The following PDZRN3 variants were observed in gnomAD, a reference collection of about 807,000 sequenced individuals.
PDZRN3 encodes PDZ domain containing ring finger 3, also known as E3 ubiquitin-protein ligase PDZRN3.
In PDZRN3, 38 loss-of-function variants were observed where a neutral mutation model predicts 85.7. That is an observed-to-expected ratio of 0.44 (90% CI 0.34 to 0.58). The LOEUF is 0.58. Among genes scored for constraint, PDZRN3 ranks in the 20% least tolerant of loss-of-function variants. The pLI is 0.01. For missense variants in PDZRN3, 1,629 were observed against 1,506.4 expected, an observed-to-expected ratio of 1.08 and a Z score of -1.35; for synonymous variants, 759 against 638.0, an observed-to-expected ratio of 1.19 and a Z score of -2.86.
At chr3:73,403,941 C>G (rs112736618) in intron 4 of PDZRN3, among the ~76,000 whole-genome samples, 1 of 152,048 alleles carries the variant, frequency 6.6e-6, no homozygotes, top group Non-Finnish European at 1.5e-5. Flanking sequence ...TGAATAAGTC[C>G]GCTCCAGGGT....
chr3:73,563,257 G>A (rs561058355), intron 3 of PDZRN3, among the ~76,000 whole-genome samples: 4 of 150,706 alleles, frequency 2.7e-5, no homozygotes, highest in South Asian at 4.2e-4. Flanking sequence ...GGATGGTCTC[G>A]ATCTCCTGAC....
At chr3:73,595,894 A>G (rs1702424311) in intron 3 of PDZRN3, among the ~76,000 whole-genome samples, 1 of 152,160 alleles carries the variant, frequency 6.6e-6, no homozygotes, top group South Asian at 2.1e-4. Context: ...TTACATATTT[A>G]CATTTTCTAG....
chr3:73,493,310 C>T (rs1157459949), intron 3 of PDZRN3, among the ~76,000 whole-genome samples: 1 of 152,108 alleles, frequency 6.6e-6, no homozygotes, highest in African/African-American at 2.4e-5. Context: ...AATTCCCTAG[C>T]ACCTGACTGA....
chr3:73,449,337 C>A (rs1193826949), intron 3 of PDZRN3, among the ~76,000 whole-genome samples: 2 of 151,706 alleles, frequency 1.3e-5, no homozygotes, highest in African/African-American at 2.4e-5. Flanking sequence ...TGATTTAAGT[C>A]CCAACGGCTG....
intron 3 of PDZRN3, among the ~76,000 whole-genome samples, chr3:73,512,860 A>G (rs1704192600): frequency 1.3e-5 from 2 of 152,258 alleles, no homozygotes; most frequent in Admixed American, 1.3e-4. Flanking sequence ...AGCTTAGTTT[A>G]TAGGTTGAAA....
At chr3:73,408,830 G>A (rs1032797568) in intron 3 of PDZRN3, among the ~76,000 whole-genome samples, 14 of 151,780 alleles carry the variant, frequency 9.2e-5, no homozygotes, top group African/African-American at 3.4e-4. Flanking sequence ...TGATGACTCC[G>A]GTGCACGCCG....
chr3:73,454,639 G>A (rs145300101), intron 3 of PDZRN3, among the ~76,000 whole-genome samples: 118 of 152,280 alleles, frequency 7.7e-4, no homozygotes, highest in African/African-American at 2.7e-3. Flanking sequence ...TAAATGCTAA[G>A]AGTGACAGGA....
intron 5 of PDZRN3, among the ~76,000 whole-genome samples, chr3:73,393,518 TTGG>T (rs1701571188): frequency 6.6e-6 from 1 of 152,100 alleles, no homozygotes; most frequent in South Asian, 2.1e-4. Context: ...AGTTCAGGTG[TTGG>T]TGAACGCGTC....
chr3:73,608,967 AC>A, intron 1 of PDZRN3, among the ~76,000 whole-genome samples: 1 of 152,288 alleles, frequency 6.6e-6, no homozygotes, highest in East Asian at 1.9e-4. Flanking sequence ...TATGAATGAC[AC>A]CTTGGTCTGC....
rs1467281903 is a variant in PDZRN3, at chr3:73,624,727, G to A, written c.99C>T (p.Cys33=). Residue 33 remains cysteine, a synonymous_variant, in exon 1 of 10, where the codon TGC becomes TGT. Coordinates refer to ENST00000263666, the MANE Select transcript of PDZRN3 (RefSeq NM_015009.3). Reference sequence around the variant, plus strand: ...CGCAGCCGGCGCAGAAGACGTGGCCGCACGGCGTGGTCAGCGGGTCCTCCA... The same window carrying A: ...CGCAGCCGGCGCAGAAGACGTGGCCACACGGCGTGGTCAGCGGGTCCTCCA... The part of the protein sequence containing the change: ...KVLEDPLTTP[C]GHVFCAGCVL... 2.0e-6 allele frequency: 3 copies of A among 1,527,730 alleles called. No homozygotes were observed. The highest frequency in any genetic ancestry group is 1.2e-5 in the South Asian group (1 of 82,418). The allele number at this position is 1,527,730 out of a possible 1,614,324, so 94.6% of individuals were successfully genotyped here.
At chr3:73,559,861 T>A (rs1701779382) in intron 3 of PDZRN3, among the ~76,000 whole-genome samples, 1 of 152,206 alleles carries the variant, frequency 6.6e-6, no homozygotes, top group South Asian at 2.1e-4. Context: ...CTAGAAACTA[T>A]CTCACCACAA....
At chr3:73,416,459 T>C (rs966222676) in intron 3 of PDZRN3, among the ~76,000 whole-genome samples, 8 of 151,948 alleles carry the variant, frequency 5.3e-5, no homozygotes, top group African/African-American at 1.9e-4. Flanking sequence ...CTTTCTGTAA[T>C]GGGCTCTGGA....
intron 3 of PDZRN3, among the ~76,000 whole-genome samples, chr3:73,497,857 C>T (rs1703897454): frequency 2.6e-5 from 4 of 151,494 alleles, no homozygotes; most frequent in Admixed American, 6.6e-5. Context: ...AACAGGGGCA[C>T]GACTCGAACC....
rs571274899 is a variant in PDZRN3, at chr3:73,436,444, C to T, written c.919-32049G>A. 3.7e-4 allele frequency among the ~76,000 whole-genome samples: 56 copies of T among 152,236 alleles called. 1 individual carries two copies. The South Asian group carries it at 9.3e-3, about 25-fold the overall frequency. On this transcript the variant is annotated intron_variant, in intron 3 of 9. Coordinates refer to ENST00000263666, the MANE Select transcript of PDZRN3 (RefSeq NM_015009.3). ...AGGAAAACAAAGTGTGCTTGGGTGTCCCCACAAAAAAAGGCTTGCAATCAC... is the reference window on the plus strand; with the variant it reads ...AGGAAAACAAAGTGTGCTTGGGTGTTCCCACAAAAAAAGGCTTGCAATCAC...
intron 6 of PDZRN3, 35 bp downstream of exon 6, chr3:73,390,983 T>A: frequency 7.2e-7 from 1 of 1,395,636 alleles, no homozygotes. Context: ...TTGGTCTTGA[T>A]ACGATAGTTA....
chr3:73,559,775 C>A (rs899746219), intron 3 of PDZRN3, among the ~76,000 whole-genome samples: 1 of 152,182 alleles, frequency 6.6e-6, no homozygotes, highest in African/African-American at 2.4e-5. Context: ...GTCTGAATGA[C>A]TGAAGTTTGG....
intron 3 of PDZRN3, among the ~76,000 whole-genome samples, chr3:73,601,889 G>A (rs1702520422): frequency 9.0e-6 from 1 of 111,022 alleles, no homozygotes. Flanking sequence ...AGGCAAAGAC[G>A]ACAAACTAAC....
chr3:73,506,361 AAG>A (rs1704070472), intron 3 of PDZRN3, among the ~76,000 whole-genome samples: 1 of 152,240 alleles, frequency 6.6e-6, no homozygotes. Context: ...GTGTACAACA[AAG>A]ATGAAAAGGT....
At chr3:73,450,931 A>T (rs1487365271) in intron 3 of PDZRN3, among the ~76,000 whole-genome samples, 3 of 142,894 alleles carry the variant, frequency 2.1e-5, no homozygotes, top group African/African-American at 5.2e-5. Flanking sequence ...CATGCTCTTT[A>T]AAAAAAAAAA....
Sources: allele counts gnomAD v4.1 joint callset (sites outside exome capture counted in the v4.1 genomes callset), GRCh38; gene constraint gnomAD v4.1.1; transcripts MANE v1.5; gene names NCBI Gene and HGNC (gene_info 2026-07-23, HGNC 2026-07-21).